The following RASA4 variants were observed in gnomAD, a reference collection of about 807,000 sequenced individuals.
The protein encoded by RASA4 is ras GTPase-activating protein 4.
In RASA4, 5 loss-of-function variants were observed where a neutral mutation model predicts 24.0. That is an observed-to-expected ratio of 0.21 (90% CI 0.11 to 0.44). The LOEUF is 0.44. Among genes scored for constraint, RASA4 ranks in the 20% least tolerant of loss-of-function variants. The pLI, the probability that RASA4 is intolerant of heterozygous loss-of-function variation, is 0.99. For missense variants in RASA4, 38 were observed against 293.0 expected (o/e 0.13, Z 6.35); for synonymous variants, 9 against 132.7 (o/e 0.07, Z 6.41).
intron 1 of RASA4, among the ~76,000 whole-genome samples, chr7:102,614,369 C>CGAGGA (rs1790983586): frequency 9.2e-6 from 1 of 108,960 alleles, no homozygotes; most frequent in Admixed American, 9.7e-5. Flanking sequence ...CTTCCTGAGC[C>CGAGGA]TCAGTTTCCC....
chr7:102,599,734 C>G (rs1204560250), intron 8 of RASA4, 126 bp downstream of exon 8: 5 of 232,236 alleles, frequency 2.2e-5, no homozygotes, highest in Admixed American at 1.7e-4. Context: ...CTGAGGGGAC[C>G]CTGGAGCTGT....
intron 4 of RASA4, among the ~76,000 whole-genome samples, chr7:102,608,285 A>AAT (rs1790747266): frequency 1.4e-5 from 1 of 71,712 alleles, no homozygotes; most frequent in African/African-American, 4.8e-5. Flanking sequence ...TTAAAAAAAA[A>AAT]CTATATAAAA....
intron 5 of RASA4, among the ~76,000 whole-genome samples, 195 bp downstream of exon 5, chr7:102,605,663 G>A (rs199959861): frequency 0.058 from 7,117 of 122,264 alleles, no homozygotes; most frequent in East Asian, 0.14. Context: ...ACCTGCCTCG[G>A]CCTCCCAAAG....
At chr7:102,602,880 T>A (rs1276672999) in intron 5 of RASA4, among the ~76,000 whole-genome samples, 1 of 143,726 alleles carries the variant, frequency 7.0e-6, no homozygotes, top group Non-Finnish European at 1.5e-5. Flanking sequence ...GGTGGAGGAG[T>A]GAGGTGCAGC....
intron 8 of RASA4, among the ~76,000 whole-genome samples, chr7:102,599,445 G>A (rs1790353706): frequency 1.3e-5 from 1 of 78,686 alleles, no homozygotes; most frequent in African/African-American, 4.2e-5. Flanking sequence ...AGACCATCCT[G>A]GCTAACATGG....
In RASA4 at chr7:102,580,905, A is replaced by T. The variant is rs1789664761; in HGVS notation, c.*1866T>A. 7.4e-6 allele frequency: 1 copy of T among 135,534 alleles called. No homozygotes were observed. The highest frequency in any genetic ancestry group is 2.5e-5 in the African/African-American group (1 of 39,266). The allele number at this position is 135,534 out of a possible 1,614,324, so 8.4% of individuals were successfully genotyped here. On this transcript the variant is annotated 3_prime_UTR_variant, in exon 21 of 21. Coordinates refer to ENST00000262940, the MANE Select transcript of RASA4 (RefSeq NM_006989.6). ...TCATCTGAAAATTGAATGTGATTTT[A>T]AACAACCTATTTGAGCTCTGAGGTA...
intron 16 of RASA4, among the ~76,000 whole-genome samples, chr7:102,591,278 A>G (rs1200497419): frequency 1.8e-5 from 1 of 55,388 alleles, no homozygotes; most frequent in African/African-American, 9.4e-5. Context: ...TGACAGAGCA[A>G]GACCCTGTCT....
At chr7:102,602,526 A>AATGCC in intron 5 of RASA4, 121 bp from the exon 6 acceptor site, 1 of 17,870 alleles carries the variant, frequency 5.6e-5, no homozygotes, top group Admixed American at 5.5e-4. Flanking sequence ...CGTCCCTGGC[A>AATGCC]AGCTGACTGT....
intron 5 of RASA4, among the ~76,000 whole-genome samples, chr7:102,603,745 CAGG>C: frequency 6.6e-6 from 1 of 152,008 alleles, no homozygotes; most frequent in African/African-American, 2.4e-5. Context: ...GAGGCTGAGG[CAGG>C]AGAATTGCTT....
intron 8 of RASA4, among the ~76,000 whole-genome samples, 159 bp from the exon 9 acceptor site, chr7:102,596,288 GC>G (rs1239581072): frequency 8.2e-5 from 12 of 147,104 alleles, no homozygotes; most frequent in African/African-American, 2.0e-4. Flanking sequence ...CCCAGGCTCT[GC>G]CCGGGCTATT....
In RASA4 at chr7:102,580,955, C is replaced by T. The variant is rs1789667599; in HGVS notation, c.*1816G>A. ...AGATGTCTAAGTTCAAAGCCCACTCCTCCTTTCTGGGGGTCCCAGTTTCGT... is the reference window on the plus strand; with the variant it reads ...AGATGTCTAAGTTCAAAGCCCACTCTTCCTTTCTGGGGGTCCCAGTTTCGT... On this transcript the variant is annotated 3_prime_UTR_variant, in exon 21 of 21. Coordinates refer to ENST00000262940, the MANE Select transcript of RASA4 (RefSeq NM_006989.6). 2.6e-5 allele frequency: 2 copies of T among 75,760 alleles called. No individual in the cohort carries two copies. The highest frequency in any genetic ancestry group is 6.2e-5 in the African/African-American group (2 of 32,344). The allele number at this position is 75,760 out of a possible 1,614,324, so 4.7% of individuals were successfully genotyped here.
intron 5 of RASA4, among the ~76,000 whole-genome samples, chr7:102,602,959 T>C (rs1586848800): frequency 6.6e-6 from 1 of 150,664 alleles, no homozygotes. Context: ...TCACGGTACC[T>C]CCAGCTTTTT....
intron 5 of RASA4, among the ~76,000 whole-genome samples, chr7:102,605,526 C>T (rs1347766870): frequency 5.8e-4 from 8 of 13,840 alleles, no homozygotes; most frequent in African/African-American, 6.5e-4. Context: ...ACTCCTGCCT[C>T]AGCCTCCTGA....
chr7:102,613,801 G>A (rs1479187495), intron 1 of RASA4, among the ~76,000 whole-genome samples: 1 of 152,050 alleles, frequency 6.6e-6, no homozygotes, highest in Non-Finnish European at 1.5e-5. Context: ...AGGCCACTTG[G>A]TGTGGGAGGC....
chr7:102,599,780 C>G (rs1790368846), intron 8 of RASA4, 80 bp downstream of exon 8: 1 of 63,820 alleles, frequency 1.6e-5, no homozygotes, highest in Admixed American at 1.9e-4. Context: ...GCCCCCCTGC[C>G]CTGCCTGCCT....
At chr7:102,592,151 A>G (rs1790030835) in intron 16 of RASA4, 134 bp downstream of exon 16, 1 of 368,782 alleles carries the variant, frequency 2.7e-6, no homozygotes, top group African/African-American at 2.2e-5. Flanking sequence ...GGTTCTGACA[A>G]GCAGTACAGA....
chr7:102,602,993 C>G (rs1301293499), intron 5 of RASA4, among the ~76,000 whole-genome samples: 2 of 150,500 alleles, frequency 1.3e-5, no homozygotes, highest in African/African-American at 2.4e-5. Flanking sequence ...CGGAGTCTCG[C>G]TCTGTCGCCC....
At chr7:102,587,339 C>G in intron 18 of RASA4, 1 of 435,202 alleles carries the variant, frequency 2.3e-6, no homozygotes, top group South Asian at 2.2e-5. Context: ...AAGTCTGTGT[C>G]TGAAAAAAAA....
chr7:102,590,724 T>C, intron 16 of RASA4, among the ~76,000 whole-genome samples: 1 of 145,534 alleles, frequency 6.9e-6, no homozygotes, highest in East Asian at 2.0e-4. Flanking sequence ...GCGGATCACC[T>C]GAGGTTGGGA....
Sources: gnomAD v4.1 joint callset for allele counts (sites outside exome capture counted in the v4.1 genomes callset) on GRCh38, gnomAD v4.1.1 for gene constraint, MANE v1.5 for transcripts, NCBI Gene and HGNC (gene_info 2026-07-23, HGNC 2026-07-21) for gene names.